Variants in MCTP1 observed in about 807,000 individuals in gnomAD.
The protein encoded by MCTP1 is multiple C2 and transmembrane domain containing 1.
In MCTP1, 69 loss-of-function variants were observed where a neutral mutation model predicts 120.6. The ratio of observed to expected loss-of-function variants is 0.57; its 90% CI spans 0.47 to 0.70. MCTP1 has a LOEUF of 0.70. Among genes scored for constraint, MCTP1 ranks in the 30% least tolerant of loss-of-function variants. MCTP1 has a pLI of 0.00. For missense variants in MCTP1, 1,203 were observed against 1,248.8 expected (o/e 0.96, Z 0.55); for synonymous variants, 529 against 493.1 (o/e 1.07, Z -0.96).
intron 1 of MCTP1, among the ~76,000 whole-genome samples, chr5:95,265,363 C>T (rs1486644228): frequency 1.3e-5 from 2 of 152,164 alleles, no homozygotes; most frequent in African/African-American, 2.4e-5. Flanking sequence ...CTGTGGTTGG[C>T]TTATTTTAAA....
intron 3 of MCTP1, among the ~76,000 whole-genome samples, chr5:94,946,884 C>T (rs986434065): frequency 6.6e-6 from 1 of 152,158 alleles, no homozygotes; most frequent in African/African-American, 2.4e-5. Context: ...AGAAACATCT[C>T]TTTCTTATGT....
chr5:95,115,333 A>G (rs1444334489), intron 1 of MCTP1, among the ~76,000 whole-genome samples: 1 of 152,156 alleles, frequency 6.6e-6, no homozygotes, highest in Middle Eastern at 3.2e-3. Context: ...GACCTTTCAG[A>G]CAGAGAATCA....
chr5:95,283,862 G>A lies in MCTP1; in HGVS notation c.714C>T (p.Ser238=), dbSNP rs932305763. ...RAPETGEEHG[S]SQKIINTAGT... is the part of the protein sequence containing the mutation. ...CCGCGCCACCGGCACTCACCTGGCT[G>A]CTGCCGTGCTCCTCGCCCGTCTCCG... Residue 238 remains serine (S), a synonymous_variant, in exon 1 of 23, where the codon AGC becomes AGT. Transcript: ENST00000515393. 2.9e-6 allele frequency: 4 copies of A among 1,370,988 alleles called. No individual in the cohort carries two copies. The African/African-American group carries it at 4.6e-5, about 16-fold the overall frequency. The allele number at this position is 1,370,988 out of a possible 1,614,324, so 84.9% of individuals were successfully genotyped here.
intron 7 of MCTP1, among the ~76,000 whole-genome samples, chr5:94,919,406 T>C (rs181907546): frequency 7.9e-4 from 114 of 144,586 alleles, no homozygotes; most frequent in African/African-American, 2.2e-3. Context: ...TTAGACTTAA[T>C]ATGATACTAA....
chr5:94,829,974 G>A (rs539492281), intron 17 of MCTP1, among the ~76,000 whole-genome samples: 1 of 152,276 alleles, frequency 6.6e-6, no homozygotes, highest in African/African-American at 2.4e-5. Flanking sequence ...CTTTGTGAGT[G>A]AGTAGCTCTT....
chr5:95,180,938 G>C (rs2079971960), intron 1 of MCTP1, among the ~76,000 whole-genome samples: 1 of 151,804 alleles, frequency 6.6e-6, no homozygotes, highest in African/African-American at 2.4e-5. Context: ...TAATCTATCA[G>C]TTTGCTCAGT....
intron 1 of MCTP1, among the ~76,000 whole-genome samples, chr5:95,057,313 A>G (rs2152064905): frequency 6.6e-6 from 1 of 152,274 alleles, no homozygotes; most frequent in South Asian, 2.1e-4. Flanking sequence ...TTTGAGAAAA[A>G]AAGTTCTTTT....
intron 11 of MCTP1, among the ~76,000 whole-genome samples, chr5:94,892,688 A>T (rs771042985): frequency 3.9e-5 from 6 of 152,160 alleles, no homozygotes; most frequent in Non-Finnish European, 7.4e-5. Context: ...GGGGCAATTT[A>T]TTTGCTTCCC....
At chr5:95,241,009 C>T (rs1756105967) in intron 1 of MCTP1, among the ~76,000 whole-genome samples, 2 of 151,846 alleles carry the variant, frequency 1.3e-5, no homozygotes, top group South Asian at 4.2e-4. Context: ...AAATTATTTA[C>T]CATCTTTTAT....
rs1394642180 is a variant in MCTP1 at position 94,773,991 on chromosome 5, G to A, written c.2610+5119C>T. Among the ~76,000 whole-genome samples, 82 of 107,030 alleles carry A rather than the reference G, an allele frequency of 7.7e-4. 21 individuals are homozygous for A. The Middle Eastern group carries it at 0.014, about 18-fold the overall frequency. 70.2% of individuals were successfully genotyped at this position (107,030 alleles called of 152,430 possible). A position where few individuals can be genotyped will look rare whatever the true frequency, so the allele number is the denominator to read the frequency against. On this transcript the variant is annotated intron_variant, in intron 19 of 22. Transcript: ENST00000515393. ...TGGGAGGCCGAGGCGGGCGGATCAC[G>A]AGGTCAGGAGATCGAGACCATCCCG...
intron 19 of MCTP1, among the ~76,000 whole-genome samples, chr5:94,716,197 T>A (rs1446234159): frequency 6.6e-6 from 1 of 152,174 alleles, no homozygotes; most frequent in African/African-American, 2.4e-5. Flanking sequence ...TAAATTTAAT[T>A]CACATGGGAG....
intron 14 of MCTP1, 99 bp downstream of exon 14, chr5:94,871,216 G>T: frequency 1.2e-6 from 1 of 807,266 alleles, no homozygotes; most frequent in Non-Finnish European, 2.1e-6. Context: ...GACCTTGGTT[G>T]AGAAATGACA....
chr5:95,121,334 C>A (rs1758229109), intron 1 of MCTP1, among the ~76,000 whole-genome samples: 2 of 133,404 alleles, frequency 1.5e-5, no homozygotes, highest in African/African-American at 5.5e-5. Context: ...CATACAAAAA[C>A]CAGTAGCATT....
chr5:95,258,608 T>C (rs965916770), intron 1 of MCTP1, among the ~76,000 whole-genome samples: 5 of 152,198 alleles, frequency 3.3e-5, no homozygotes, highest in African/African-American at 1.2e-4. Context: ...TTGTAACAAA[T>C]GTACTACAGT....
chr5:95,178,184 G>A (rs763503349), intron 1 of MCTP1, among the ~76,000 whole-genome samples: 43 of 152,180 alleles, frequency 2.8e-4, no homozygotes, highest in Non-Finnish European at 5.1e-4. Context: ...CCCCACAGCA[G>A]CTGCAGCAAG....
intron 1 of MCTP1, among the ~76,000 whole-genome samples, chr5:95,210,637 G>C (rs1752242249): frequency 6.6e-6 from 1 of 151,008 alleles, no homozygotes; most frequent in Non-Finnish European, 1.5e-5. Context: ...CAATTTGCCA[G>C]TCTGTGTCTT....
intron 1 of MCTP1, among the ~76,000 whole-genome samples, chr5:95,280,828 A>G (rs527477331): frequency 6.6e-6 from 1 of 152,324 alleles, no homozygotes; most frequent in African/African-American, 2.4e-5. Context: ...TTACTCATAT[A>G]TACCCGTGAC....
At chr5:95,063,771 A>T (rs1418892817) in intron 1 of MCTP1, among the ~76,000 whole-genome samples, 2 of 151,896 alleles carry the variant, frequency 1.3e-5, no homozygotes, top group South Asian at 2.1e-4. Flanking sequence ...TAATTTTTGT[A>T]TTTTTTTGTA....
chr5:94,865,432 G>C (rs1561770896), intron 17 of MCTP1, among the ~76,000 whole-genome samples: 1 of 151,832 alleles, frequency 6.6e-6, no homozygotes, highest in African/African-American at 2.4e-5. Context: ...AGAAATGCCT[G>C]TGCTCTGTGA....
Sources: allele counts gnomAD v4.1 joint callset (sites outside exome capture counted in the v4.1 genomes callset), GRCh38; gene constraint gnomAD v4.1.1; transcripts MANE v1.5; gene names NCBI Gene and HGNC (gene_info 2026-07-23, HGNC 2026-07-21).